Variants in RNF144B observed in about 807,000 individuals in gnomAD.
RNF144B encodes the protein E3 ubiquitin-protein ligase RNF144B.
RNF144B carries 25 observed loss-of-function variants against 40.2 expected under a neutral mutation model. The ratio of observed to expected loss-of-function variants is 0.62; its 90% CI spans 0.45 to 0.87. The LOEUF (loss-of-function observed/expected upper bound fraction) is 0.87, where lower values mean the gene tolerates loss of function less well. Among genes scored for constraint, RNF144B ranks in the 40% least tolerant of loss-of-function variants. RNF144B has a pLI of 0.00. For synonymous variants in RNF144B, 145 were observed against 136.3 expected, an observed-to-expected ratio of 1.06 and a Z score of -0.44; for missense variants, 365 against 373.7, an observed-to-expected ratio of 0.98 and a Z score of 0.19.
chr6:18,453,331 G>A (rs994195340), intron 4 of RNF144B, among the ~76,000 whole-genome samples: 4 of 150,652 alleles, frequency 2.7e-5, no homozygotes, highest in Non-Finnish European at 5.9e-5. Context: ...TAGAGATGGG[G>A]TTTCACCATG....
chr6:18,407,365 G>A (rs1162027225), intron 2 of RNF144B, among the ~76,000 whole-genome samples: 1 of 152,068 alleles, frequency 6.6e-6, no homozygotes, highest in Non-Finnish European at 1.5e-5. Flanking sequence ...GCAGTCTATT[G>A]GGTCATTTTC....
chr6:18,389,204 T>G (rs1794532027), intron 1 of RNF144B, among the ~76,000 whole-genome samples: 1 of 152,100 alleles, frequency 6.6e-6, no homozygotes, highest in Non-Finnish European at 1.5e-5. Context: ...TCATGAATGG[T>G]TTCAGTTCAT....
chr6:18,394,003 C>A (rs1018153260), intron 1 of RNF144B, among the ~76,000 whole-genome samples: 2 of 152,316 alleles, frequency 1.3e-5, no homozygotes, highest in Non-Finnish European at 2.9e-5. Context: ...GACCTCAGTG[C>A]AGATCAACTG....
In RNF144B at chr6:18,441,572, T is replaced by G. The variant is rs1466286989; in HGVS notation, c.331+1828T>G. Among the ~76,000 whole-genome samples the G allele has an allele frequency of 6.7e-6, 1 of 148,764 alleles. No individual in the cohort carries two copies. Among genetic ancestry groups the G allele is most frequent in the Non-Finnish European group, 1.5e-5 (1 of 66,240 alleles). ...TAGGTAACATATCTGTTAGCTCAAA[T>G]GTCTTTTTTGTAATTAGAATATTCT... On this transcript the variant is annotated intron_variant, in intron 4 of 7. Coordinates refer to ENST00000259939, the MANE Select transcript of RNF144B (RefSeq NM_182757.4). This position sits in a 1 kb window ranked among gnomAD's most constrained non-coding sequence, Gnocchi z 4.9.
intron 1 of RNF144B, among the ~76,000 whole-genome samples, chr6:18,389,346 T>C (rs1794536380): frequency 6.6e-6 from 1 of 152,194 alleles, no homozygotes; most frequent in Admixed American, 6.5e-5. Context: ...GAGAAGAGTA[T>C]GCTCTCTCTG....
Position 18,466,587 on chromosome 6 carries a change from C to T in RNF144B, c.*1520C>T, listed in dbSNP as rs534682715. The T allele has an allele frequency of 7.2e-5, 11 of 152,714 alleles. No individual in the cohort carries two copies. Among genetic ancestry groups the T allele is most frequent in the African/African-American group, 2.6e-4 (11 of 41,546 alleles). 9.5% of individuals were successfully genotyped at this position (152,714 alleles called of 1,614,324 possible). ...ATATAATTGCTATTGGCAATGTAGCCTGGTGCTTCATGAGACCTATGCTAA... is the reference window on the plus strand; with the variant it reads ...ATATAATTGCTATTGGCAATGTAGCTTGGTGCTTCATGAGACCTATGCTAA... On this transcript the variant is annotated 3_prime_UTR_variant, in exon 8 of 8. Coordinates refer to ENST00000259939, the MANE Select transcript of RNF144B (RefSeq NM_182757.4).
Position 18,457,019 on chromosome 6 carries a change from C to A in RNF144B, c.332-136C>A. On this transcript the variant is annotated intron_variant, in intron 4 of 7. Transcript: ENST00000259939. The surrounding 1 kb of genome is among the most constrained non-coding windows in gnomAD (Gnocchi z 5.1). ...GAGGTTGCAGTGAGCTGAAATCATG[C>A]CACTGTACTCCAGCCTGGGCGACAG... is the stretch of plus-strand genomic sequence containing the variant. 1 of 749,874 alleles carries A rather than the reference C, an allele frequency of 1.3e-6. No individual in the cohort carries two copies. The highest frequency in any genetic ancestry group is 2.4e-6 in the Non-Finnish European group (1 of 424,444). The allele number at this position is 749,874 out of a possible 1,614,324, so 46.5% of individuals were successfully genotyped here.
chr6:18,419,688 T>C lies in RNF144B; in HGVS notation c.166-7893T>C, dbSNP rs934738637. On this transcript the variant is annotated intron_variant, in intron 2 of 7. Transcript: ENST00000259939. This position sits in a 1 kb window ranked among gnomAD's most constrained non-coding sequence, Gnocchi z 4.6. ...ATTCAGTGACCTAGAGCCACTTCAG[T>C]TGAGTGGCAGGGAGGAGTTGGGATG... Among the ~76,000 whole-genome samples the C allele has an allele frequency of 1.3e-5, 2 of 151,984 alleles. No individual in the cohort carries two copies. Among genetic ancestry groups the C allele is most frequent in the Admixed American group, 6.6e-5 (1 of 15,246 alleles).
At chr6:18,394,276 A>G (rs750281759) in intron 1 of RNF144B, among the ~76,000 whole-genome samples, 9 of 152,280 alleles carry the variant, frequency 5.9e-5, no homozygotes, top group Non-Finnish European at 1.2e-4. Flanking sequence ...ATTTTGGATA[A>G]TCAAACAGAC....
intron 2 of RNF144B, among the ~76,000 whole-genome samples, chr6:18,411,497 ATTT>A (rs1197413176): frequency 3.4e-5 from 1 of 29,790 alleles, no homozygotes; most frequent in African/African-American, 1.4e-4. Context: ...ATATATATAT[ATTT>A]TTTTTTTTTT....
chr6:18,421,604 G>T (rs185303972), intron 2 of RNF144B, among the ~76,000 whole-genome samples: 15 of 152,126 alleles, frequency 9.9e-5, no homozygotes, highest in Admixed American at 7.9e-4. Flanking sequence ...CAGACCAAGG[G>T]TTAGCACGGA....
Position 18,464,973 on chromosome 6 carries a change from C to G in RNF144B, c.818C>G (p.Ser273Ter). Residue 273 changes from serine (S) to a stop codon, truncating the protein, a stop_gained, in exon 8 of 8, where the codon TCA becomes TGA. Transcript: ENST00000259939. LOFTEE classifies it high-confidence loss of function. This position sits in a 1 kb window ranked among gnomAD's most constrained non-coding sequence, Gnocchi z 6.1. ...VGLGIIALVTSPLLLLASPCI... is the reference protein window; with the variant it reads ...VGLGIIALVT ...TTGGGCATCATTGCCTTGGTTACTT[C>G]ACCCTTGTTACTCCTGGCCTCCCCA... 4.3e-6 allele frequency: 7 copies of G among 1,613,900 alleles called. No homozygotes were observed. The highest frequency in any genetic ancestry group is 5.9e-6 in the Non-Finnish European group (7 of 1,179,850).
rs1554182750 is a variant in RNF144B at position 18,467,408 on chromosome 6, T to TTTTG, written c.*2344_*2345insGTTT. On this transcript the variant is annotated 3_prime_UTR_variant, in exon 8 of 8. Coordinates refer to ENST00000259939, the MANE Select transcript of RNF144B (RefSeq NM_182757.4). ...CTGAATTAGCTGCTTTTGTTTTTTT[T>TTTTG]TTTTTTTTTTTGCCAGGGCTATGGA... is the stretch of plus-strand genomic sequence containing the variant. 6.8e-6 allele frequency: 1 copy of TTTTG among 146,574 alleles called. No individual in the cohort carries two copies. Among genetic ancestry groups the TTTTG allele is most frequent in the Non-Finnish European group, 1.5e-5 (1 of 66,948 alleles). The allele number at this position is 146,574 out of a possible 1,614,324, so 9.1% of individuals were successfully genotyped here. A position where few individuals can be genotyped will look rare whatever the true frequency, so the allele number is the denominator to read the frequency against.
chr6:18,420,593 C>G (rs1372722352), intron 2 of RNF144B, among the ~76,000 whole-genome samples: 2 of 152,002 alleles, frequency 1.3e-5, no homozygotes, highest in Non-Finnish European at 2.9e-5. Flanking sequence ...GAAAGGTTGG[C>G]AAGTAGAGGA....
In RNF144B at chr6:18,422,914, G is replaced by A. The variant is rs1363083497; in HGVS notation, c.166-4667G>A. Among the ~76,000 whole-genome samples, 2 of 149,576 alleles carry A rather than the reference G, an allele frequency of 1.3e-5. No individual in the cohort carries two copies. Among genetic ancestry groups the A allele is most frequent in the Admixed American group, 6.7e-5 (1 of 14,984 alleles). ...GAGGTTTGCAATGAGCCATAATTGT[G>A]CCACTGCACCCTGGGCAACAGAGCA... On this transcript the variant is annotated intron_variant, in intron 2 of 7. Transcript: ENST00000259939. The surrounding 1 kb of genome is among the most constrained non-coding windows in gnomAD (Gnocchi z 4.7).
In RNF144B at chr6:18,405,471, A is replaced by G. The variant is rs994965478; in HGVS notation, c.165+5772A>G. 2.0e-5 allele frequency among the ~76,000 whole-genome samples: 3 copies of G among 152,074 alleles called. No homozygotes were observed. The highest frequency in any genetic ancestry group is 7.2e-5 in the African/African-American group (3 of 41,412). ...ATTATAGGCGTGAGCCACCGTGCCC[A>G]GCCGCAAGGTTAGTTTTATGCTTTC... is the stretch of plus-strand genomic sequence containing the variant. On this transcript the variant is annotated intron_variant, in intron 2 of 7. Transcript: ENST00000259939. This position sits in a 1 kb window ranked among gnomAD's most constrained non-coding sequence, Gnocchi z 4.5.
rs1451471055 is a variant in RNF144B, at chr6:18,464,685, A to G, written c.772-242A>G. Among the ~76,000 whole-genome samples the G allele has an allele frequency of 6.6e-6, 1 of 152,154 alleles. No homozygotes were observed. The highest frequency in any genetic ancestry group is 1.5e-5 in the Non-Finnish European group (1 of 68,024). On this transcript the variant is annotated intron_variant, in intron 7 of 7. Transcript: ENST00000259939. This position sits in a 1 kb window ranked among gnomAD's most constrained non-coding sequence, Gnocchi z 6.1. ...GCATAGAGCCTAGAGAAAGAAAGCA[A>G]GCTCTCTGGCATCTGTTCTTGTAAG...
At chr6:18,427,267 T>TA (rs1562049380) in intron 2 of RNF144B, among the ~76,000 whole-genome samples, 2 of 149,698 alleles carry the variant, frequency 1.3e-5, no homozygotes, top group Non-Finnish European at 1.5e-5. Flanking sequence ...TTTTTTTTTT[T>TA]AAAGGAGGGG....
intron 2 of RNF144B, among the ~76,000 whole-genome samples, chr6:18,408,202 C>A (rs943935754): frequency 6.6e-6 from 1 of 152,072 alleles, no homozygotes; most frequent in East Asian, 1.9e-4. Context: ...TCAGCCTGGT[C>A]TGGAACTCCT....
Sources: allele counts gnomAD v4.1 joint callset (sites outside exome capture counted in the v4.1 genomes callset), GRCh38; gene constraint gnomAD v4.1.1; non-coding constraint Gnocchi (gnomAD v3.1); transcripts MANE v1.5; gene names NCBI Gene and HGNC (gene_info 2026-07-23, HGNC 2026-07-21).